Variants in ABCB5 observed in about 807,000 individuals in gnomAD.
The protein encoded by ABCB5 is ATP-binding cassette sub-family B member 5.
Under a neutral mutation model 144.2 loss-of-function variants are expected in ABCB5, and 155 were observed. The observed-to-expected ratio is 1.08, with a 90% CI of 0.94 to 1.23. ABCB5 has a LOEUF of 1.23. Ranked by LOEUF, ABCB5 falls within the 50% of genes most tolerant of loss-of-function variation. ABCB5 has a pLI of 0.00. For missense variants in ABCB5, 1,830 were observed against 1,520.8 expected (o/e 1.20, Z -3.38); for synonymous variants, 610 against 528.6 (o/e 1.15, Z -2.11).
intron 26 of ABCB5, among the ~76,000 whole-genome samples, chr7:20,751,284 A>G (rs1396243454): frequency 6.6e-6 from 1 of 152,116 alleles, no homozygotes; most frequent in Admixed American, 6.5e-5. Flanking sequence ...CATCCTGGCT[A>G]ACATGGTGAA....
intron 7 of ABCB5, 36 bp from the exon 8 acceptor site, chr7:20,645,720 G>A (rs1207522842): frequency 6.3e-7 from 1 of 1,598,906 alleles, no homozygotes; most frequent in Admixed American, 1.7e-5. Flanking sequence ...TTACTACACA[G>A]AGTCATTTTT....
chr7:20,711,545 T>G lies in ABCB5; in HGVS notation c.2421+6738T>G, dbSNP rs945842283. Among the ~76,000 whole-genome samples, 9 of 148,400 alleles carry G rather than the reference T, an allele frequency of 6.1e-5. 1 individual carries two copies. The East Asian group carries it at 1.8e-3, about 30-fold the overall frequency. On this transcript the variant is annotated intron_variant, in intron 20 of 27. Transcript: ENST00000404938. ...GGTGTGATCACTACTCATTGCAGCCTTGACCTACCAGGCTCAGGTGATCCT... is the reference window on the plus strand; with the variant it reads ...GGTGTGATCACTACTCATTGCAGCCGTGACCTACCAGGCTCAGGTGATCCT...
chr7:20,670,111 C>G (rs1398756387), intron 14 of ABCB5, among the ~76,000 whole-genome samples: 1 of 152,148 alleles, frequency 6.6e-6, no homozygotes, highest in African/African-American at 2.4e-5. Context: ...ATCTGAGAGA[C>G]TGTAACAGCC....
chr7:20,748,650 CAAAAAAAAAAAAAAA>C (rs71020682), intron 26 of ABCB5, among the ~76,000 whole-genome samples: 6 of 59,082 alleles, frequency 1.0e-4, no homozygotes, highest in African/African-American at 3.3e-4. Flanking sequence ...GACTCCATCT[CAAAAAAAAAAAAAAA>C]AAAAAAAAAA....
rs1270642435 is a variant in ABCB5 at position 20,756,934 on chromosome 7, A to C, written c.*1310A>C. On this transcript the variant is annotated 3_prime_UTR_variant, in exon 28 of 28. Coordinates refer to ENST00000404938, the MANE Select transcript of ABCB5 (RefSeq NM_001163941.2). ...CTCTACCAATAATTGAAATCTTGTTAAACAAAATTAAAACCATTTATATAT... is the reference window on the plus strand; with the variant it reads ...CTCTACCAATAATTGAAATCTTGTTCAACAAAATTAAAACCATTTATATAT... 6.6e-6 allele frequency: 1 copy of C among 152,360 alleles called. No homozygotes were observed. Among genetic ancestry groups the C allele is most frequent in the Non-Finnish European group, 1.5e-5 (1 of 68,046 alleles). The allele number at this position is 152,360 out of a possible 1,614,324, so 9.4% of individuals were successfully genotyped here.
At chr7:20,640,944 T>G (rs1784282706) in intron 5 of ABCB5, among the ~76,000 whole-genome samples, 1 of 152,174 alleles carries the variant, frequency 6.6e-6, no homozygotes, top group Non-Finnish European at 1.5e-5. Flanking sequence ...CTTGGCCCTC[T>G]TCTCTTCTTT....
intron 5 of ABCB5, among the ~76,000 whole-genome samples, chr7:20,633,750 A>T (rs1784090560): frequency 6.6e-6 from 1 of 152,084 alleles, no homozygotes; most frequent in Non-Finnish European, 1.5e-5. Context: ...AGCATTAACA[A>T]ATATCTCCTT....
intron 14 of ABCB5, among the ~76,000 whole-genome samples, chr7:20,674,312 G>T (rs1161455494): frequency 6.6e-6 from 1 of 151,852 alleles, no homozygotes; most frequent in Non-Finnish European, 1.5e-5. Flanking sequence ...CACTACTGAT[G>T]AATAATTTCA....
intron 14 of ABCB5, among the ~76,000 whole-genome samples, chr7:20,670,519 C>T (rs1311842866): frequency 1.3e-5 from 2 of 152,204 alleles, no homozygotes; most frequent in Admixed American, 6.5e-5. Flanking sequence ...AAAAGACTCA[C>T]ATTTTTAACC....
chr7:20,629,713 G>A (rs376312892), intron 4 of ABCB5, among the ~76,000 whole-genome samples: 1 of 152,028 alleles, frequency 6.6e-6, no homozygotes, highest in Admixed American at 6.6e-5. Context: ...ATTGAGCCAA[G>A]ATTGCACCAT....
chr7:20,753,588 A>G, intron 27 of ABCB5, 82 bp downstream of exon 27: 1 of 1,468,522 alleles, frequency 6.8e-7, no homozygotes, highest in Non-Finnish European at 9.2e-7. Flanking sequence ...GTAAGTTTGG[A>G]AAAACAAAGG....
At chr7:20,628,909 C>A in intron 4 of ABCB5, 71 bp downstream of exon 4, 2 of 1,503,494 alleles carry the variant, frequency 1.3e-6, no homozygotes, top group Admixed American at 1.8e-5. Flanking sequence ...AAACGTTAAG[C>A]TAGCAAGGCA....
chr7:20,640,911 T>A (rs1207047382), intron 5 of ABCB5, among the ~76,000 whole-genome samples: 2 of 152,188 alleles, frequency 1.3e-5, no homozygotes, highest in Non-Finnish European at 2.9e-5. Context: ...CCAAGCAACA[T>A]CTTTGCAGAG....
rs1474544715 is a variant in ABCB5 at position 20,623,329 on chromosome 7, A to G, written c.44A>G (p.Gln15Arg). Reference sequence around the variant, plus strand: ...GCTGAAGAAATGCAAGAAAATTATCAGAGAAATGGGTAAGCTCTCACTAAG... The same window carrying G: ...GCTGAAGAAATGCAAGAAAATTATCGGAGAAATGGGTAAGCTCTCACTAAG... ...ERAEEMQENYQRNGTAEEQPK... is the reference protein window; with the variant it reads ...ERAEEMQENYRRNGTAEEQPK... The change falls in exon 2 of 28, where the codon CAG (glutamine) becomes CGG (arginine). Residue 15 changes from glutamine (Q) to arginine (R), a missense_variant. Transcript: ENST00000404938. 1.3e-6 allele frequency: 2 copies of G among 1,549,550 alleles called. No homozygotes were observed. Among genetic ancestry groups the G allele is most frequent in the Non-Finnish European group, 1.7e-6 (2 of 1,144,396 alleles).
At chr7:20,629,145 C>CGTGCGTGTGTGTGT (rs1554278478) in intron 4 of ABCB5, among the ~76,000 whole-genome samples, 1 of 135,058 alleles carries the variant, frequency 7.4e-6, no homozygotes, top group Non-Finnish European at 1.6e-5. Context: ...AGAGAGACTG[C>CGTGCGTGTGTGTGT]GTGTGTGTGT....
At chr7:20,658,419 A>T in intron 13 of ABCB5, 87 bp from the exon 14 acceptor site, 2 of 1,354,330 alleles carry the variant, frequency 1.5e-6, no homozygotes, top group Non-Finnish European at 2.0e-6. Context: ...AGCTGATATT[A>T]AAACACAACT....
intron 14 of ABCB5, among the ~76,000 whole-genome samples, chr7:20,679,982 G>A (rs1221689399): frequency 8.0e-5 from 12 of 150,834 alleles, no homozygotes; most frequent in African/African-American, 2.9e-4. Context: ...ATAGTAGGGG[G>A]AAAAAAAAAC....
At chr7:20,715,968 C>T (rs1781663548) in intron 20 of ABCB5, among the ~76,000 whole-genome samples, 1 of 151,952 alleles carries the variant, frequency 6.6e-6, no homozygotes, top group Non-Finnish European at 1.5e-5. Context: ...GATCCTCCCA[C>T]CTCGGCCTGT....
At chr7:20,714,507 C>T (rs566222401) in intron 20 of ABCB5, among the ~76,000 whole-genome samples, 3 of 152,100 alleles carry the variant, frequency 2.0e-5, no homozygotes, top group Non-Finnish European at 2.9e-5. Context: ...TAGTACTCCT[C>T]GAGGCCAAGA....
Sources: allele counts gnomAD v4.1 joint callset (sites outside exome capture counted in the v4.1 genomes callset), GRCh38; gene constraint gnomAD v4.1.1; transcripts MANE v1.5; gene names NCBI Gene and HGNC (gene_info 2026-07-23, HGNC 2026-07-21).